The following FBXO10 variants were observed in gnomAD, a reference collection of about 807,000 sequenced individuals.
FBXO10 encodes F-box only protein 10.
Under a neutral mutation model 80.7 loss-of-function variants are expected in FBXO10, and 39 were observed. The ratio of observed to expected loss-of-function variants is 0.48; its 90% CI spans 0.37 to 0.63. FBXO10 has a LOEUF of 0.63. Ranked by LOEUF, FBXO10 falls within the 30% of genes least tolerant of loss-of-function variation. The pLI, the probability that FBXO10 is intolerant of heterozygous loss-of-function variation, is 0.00. For missense variants in FBXO10, 1,025 were observed against 1,269.0 expected, an observed-to-expected ratio of 0.81 and a Z score of 2.92; for synonymous variants, 449 against 489.6, an observed-to-expected ratio of 0.92 and a Z score of 1.09.
At chr9:37,557,647 C>A (rs916530218) in intron 1 of FBXO10, among the ~76,000 whole-genome samples, 12 of 152,198 alleles carry the variant, frequency 7.9e-5, no homozygotes, top group African/African-American at 2.9e-4. Flanking sequence ...CTGGCCTTGA[C>A]CGTTCACAAA....
At chr9:37,535,193 G>T (rs1298133567) in intron 3 of FBXO10, among the ~76,000 whole-genome samples, 1 of 152,096 alleles carries the variant, frequency 6.6e-6, no homozygotes, top group Admixed American at 6.5e-5. Flanking sequence ...CTCCTAACTA[G>T]ATCGACCTCC....
chr9:37,529,837 CTTT>C (rs34740759), intron 4 of FBXO10, among the ~76,000 whole-genome samples: 6 of 140,754 alleles, frequency 4.3e-5, no homozygotes, highest in Non-Finnish European at 6.2e-5. Flanking sequence ...CAAGAGATAT[CTTT>C]TTTTTTTTTT....
At chr9:37,548,046 A>G (rs1410529896) in intron 1 of FBXO10, among the ~76,000 whole-genome samples, 3 of 152,206 alleles carry the variant, frequency 2.0e-5, no homozygotes, top group Admixed American at 1.3e-4. Flanking sequence ...GAAATGTTTT[A>G]TATCTTGACT....
chr9:37,566,943 G>C (rs1822621528), intron 1 of FBXO10, among the ~76,000 whole-genome samples: 1 of 152,106 alleles, frequency 6.6e-6, no homozygotes, highest in Admixed American at 6.5e-5. Flanking sequence ...GAGCCATAAG[G>C]ACCCTCTCTC....
At chr9:37,545,168 T>A (rs573026359) in intron 1 of FBXO10, among the ~76,000 whole-genome samples, 1 of 139,986 alleles carries the variant, frequency 7.1e-6, no homozygotes, top group Non-Finnish European at 1.5e-5. Context: ...AGTTATACAT[T>A]CTCAGGCTTT....
intron 1 of FBXO10, among the ~76,000 whole-genome samples, chr9:37,557,677 A>G (rs1297960834): frequency 1.3e-5 from 2 of 152,250 alleles, no homozygotes; most frequent in Non-Finnish European, 2.9e-5. Context: ...TAGCTAGCTC[A>G]GATAATCTCC....
chr9:37,518,825 C>G (rs1353498785), intron 8 of FBXO10, among the ~76,000 whole-genome samples: 1 of 152,180 alleles, frequency 6.6e-6, no homozygotes, highest in Non-Finnish European at 1.5e-5. Context: ...CCCCTCTGGA[C>G]AGGCAGATCT....
intron 3 of FBXO10, among the ~76,000 whole-genome samples, chr9:37,533,911 AAAAACCC>A (rs2119103258): frequency 6.6e-6 from 1 of 152,106 alleles, no homozygotes; most frequent in Admixed American, 6.5e-5. Context: ...CAACAAACAA[AAAAACCC>A]AGTAGAAGAG....
At chr9:37,528,028 A>T (rs1821517513) in intron 5 of FBXO10, among the ~76,000 whole-genome samples, 1 of 152,212 alleles carries the variant, frequency 6.6e-6, no homozygotes, top group African/African-American at 2.4e-5. Flanking sequence ...AACAACATGG[A>T]GACAAAGTAC....
At chr9:37,552,939 C>CA (rs1462016043) in intron 1 of FBXO10, among the ~76,000 whole-genome samples, 1 of 151,932 alleles carries the variant, frequency 6.6e-6, no homozygotes, top group Non-Finnish European at 1.5e-5. Flanking sequence ...AACACTGTTG[C>CA]ATTGGGGATT....
At chr9:37,528,053 TG>T (rs1397700816) in intron 5 of FBXO10, among the ~76,000 whole-genome samples, 4 of 152,194 alleles carry the variant, frequency 2.6e-5, no homozygotes, top group African/African-American at 9.7e-5. Context: ...GGAATAATGC[TG>T]GGGGAAAGCG....
At chr9:37,565,239 C>T (rs1276277443) in intron 1 of FBXO10, among the ~76,000 whole-genome samples, 1 of 152,102 alleles carries the variant, frequency 6.6e-6, no homozygotes, top group Admixed American at 6.6e-5. Context: ...GTCAATTAAA[C>T]CTCTTTTCTT....
At chr9:37,527,308 T>G (rs899038374) in intron 5 of FBXO10, among the ~76,000 whole-genome samples, 1 of 152,216 alleles carries the variant, frequency 6.6e-6, no homozygotes, top group Non-Finnish European at 1.5e-5. Flanking sequence ...AGGCAACATA[T>G]GCACAGGGTT....
intron 8 of FBXO10, among the ~76,000 whole-genome samples, chr9:37,519,709 G>A (rs1821278848): frequency 6.6e-6 from 1 of 152,224 alleles, no homozygotes; most frequent in South Asian, 2.1e-4. Context: ...TGACCTGGGA[G>A]GAGACAGAAC....
In FBXO10 at chr9:37,537,821, G is replaced by A. The variant is rs543515373; in HGVS notation, c.708C>T (p.His236=). The part of the protein sequence containing the change: ...CTFKNTHIFL[H]NVPLCVLENC... ...TTTCCAGGACACACAGGGGCACGTT[G>A]TGCAGGAAGATATGGGTGTTTTTGA... The change falls in exon 3 of 11, where the codon CAC becomes CAT. Residue 236 remains histidine (H), a synonymous_variant. Transcript: ENST00000432825. The A allele has an allele frequency of 4.3e-6, 7 of 1,614,010 alleles. No homozygotes were observed. In the South Asian group the frequency reaches 5.5e-5, roughly 13 times the overall value.
chr9:37,528,057 G>A (rs1004777892), intron 5 of FBXO10, among the ~76,000 whole-genome samples: 3 of 152,172 alleles, frequency 2.0e-5, no homozygotes, highest in African/African-American at 4.8e-5. Flanking sequence ...TAATGCTGGG[G>A]GAAAGCGCTC....
intron 6 of FBXO10, 99 bp downstream of exon 6, chr9:37,525,003 T>C: frequency 9.9e-7 from 1 of 1,012,094 alleles, no homozygotes; most frequent in African/African-American, 1.6e-5. Context: ...GAGGCCATAG[T>C]CTGTGGGGGT....
chr9:37,544,776 C>A (rs556946135), intron 1 of FBXO10, among the ~76,000 whole-genome samples: 1 of 151,892 alleles, frequency 6.6e-6, no homozygotes, highest in Non-Finnish European at 1.5e-5. Flanking sequence ...GGGCGGATCA[C>A]GAGGTCAGGA....
Position 37,569,260 on chromosome 9 carries a change from C to CAAA in FBXO10, c.-7+6948_-7+6950dup, listed in dbSNP as rs67975729. Among the ~76,000 whole-genome samples the CAAA allele has an allele frequency of 6.0e-5, 8 of 133,248 alleles. No homozygotes were observed. The South Asian group carries it at 1.9e-3, about 32-fold the overall frequency. 87.4% of individuals were successfully genotyped at this position (133,248 alleles called of 152,430 possible). On this transcript the variant is annotated intron_variant, in intron 1 of 10. Coordinates refer to ENST00000432825, the MANE Select transcript of FBXO10 (RefSeq NM_012166.3). ...TTACACTATCAGGTAAAGTATAAGG[C>CAAA]AAAAAAAAAAATTATTAGAAACAAA...
Sources: allele counts gnomAD v4.1 joint callset (sites outside exome capture counted in the v4.1 genomes callset), GRCh38; gene constraint gnomAD v4.1.1; transcripts MANE v1.5; gene names NCBI Gene and HGNC (gene_info 2026-07-23, HGNC 2026-07-21).